IDH3B: variants seen among roughly 807,000 people sequenced by gnomAD.
IDH3B encodes isocitrate dehydrogenase (NAD(+)) 3 non-catalytic subunit beta.
IDH3B carries 40 observed loss-of-function variants against 47.5 expected under a neutral mutation model. The ratio of observed to expected loss-of-function variants is 0.84; its 90% CI spans 0.65 to 1.10. IDH3B has a LOEUF of 1.10. Ranked by LOEUF, IDH3B falls within the 50% of genes least tolerant of loss-of-function variation. The pLI is 0.00. For synonymous variants in IDH3B, 185 were observed against 191.0 expected (o/e 0.97, Z 0.26); for missense variants, 450 against 505.2 (o/e 0.89, Z 1.05).
In IDH3B at chr20:2,658,529, G is replaced by A; in HGVS notation, c.*222C>T. The A allele has an allele frequency of 6.2e-7, 1 of 1,613,836 alleles. No individual in the cohort carries two copies. Among genetic ancestry groups the A allele is most frequent in the South Asian group, 1.1e-5 (1 of 90,992 alleles). On this transcript the variant is annotated 3_prime_UTR_variant, in exon 12 of 12. Coordinates refer to ENST00000380843, the MANE Select transcript of IDH3B (RefSeq NM_006899.5). Reference sequence around the variant, plus strand: ...CCATGTCAGAGGTTCGAACCTGTGGGGGAGAATCATCATCATCCATGTGGC... The same window carrying A: ...CCATGTCAGAGGTTCGAACCTGTGGAGGAGAATCATCATCATCCATGTGGC...
chr20:2,659,647 C>T (rs1004435896), intron 10 of IDH3B, 52 bp downstream of exon 10: 8 of 1,608,194 alleles, frequency 5.0e-6, no homozygotes, highest in Non-Finnish European at 6.8e-6. Flanking sequence ...AATTTCCCCA[C>T]CTGCTCCTCC....
intron 9 of IDH3B, 81 bp from the exon 10 acceptor site, chr20:2,659,874 G>T: frequency 7.0e-7 from 1 of 1,426,598 alleles, no homozygotes; most frequent in Non-Finnish European, 9.9e-7. Context: ...GGACATTATG[G>T]GAGGGGGAGC....
Position 2,660,638 on chromosome 20 carries a change from A to C in IDH3B, c.532-48T>G. 6.2e-7 allele frequency: 1 copy of C among 1,614,130 alleles called. No individual in the cohort carries two copies. On this transcript the variant is annotated intron_variant, in intron 6 of 11. Coordinates refer to ENST00000380843, the MANE Select transcript of IDH3B (RefSeq NM_006899.5). The surrounding 1 kb of genome is among the most constrained non-coding windows in gnomAD (Gnocchi z 5.6). ...CTAGGTGACACTGGGAAGGGAAACA[A>C]GGAGCTCCACCTCTCTCCCATCTTC...
At chr20:2,661,932 C>A (rs904584418) in intron 4 of IDH3B, among the ~76,000 whole-genome samples, 1 of 152,148 alleles carries the variant, frequency 6.6e-6, no homozygotes, top group African/African-American at 2.4e-5. Context: ...GAGAAAAAAT[C>A]GTCCCATCCA....
chr20:2,661,798 C>T (rs1181592546), intron 4 of IDH3B, among the ~76,000 whole-genome samples: 5 of 152,170 alleles, frequency 3.3e-5, no homozygotes, highest in Non-Finnish European at 7.3e-5. Flanking sequence ...GAAATCCTCT[C>T]CAGTAATATC....
chr20:2,660,670 G>C lies in IDH3B; in HGVS notation c.531+27C>G. 6.2e-7 allele frequency: 1 copy of C among 1,614,094 alleles called. No individual in the cohort carries two copies. The highest frequency in any genetic ancestry group is 8.5e-7 in the Non-Finnish European group (1 of 1,179,996). On this transcript the variant is annotated intron_variant, in intron 6 of 11. Transcript: ENST00000380843. This position sits in a 1 kb window ranked among gnomAD's most constrained non-coding sequence, Gnocchi z 5.6. Reference sequence around the variant, plus strand: ...CCACCTCTCTCCCATCTTCATCCTTGCCCTCCCCCAGTTTCTGGGGCCTCA... The same window carrying C: ...CCACCTCTCTCCCATCTTCATCCTTCCCCTCCCCCAGTTTCTGGGGCCTCA...
At chr20:2,659,671 C>A in intron 10 of IDH3B, 28 bp downstream of exon 10, 1 of 1,611,386 alleles carries the variant, frequency 6.2e-7, no homozygotes, top group East Asian at 2.2e-5. Context: ...CGACACCCAA[C>A]CTCTGCCGAC....
At chr20:2,659,652 T>C (rs776486449) in intron 10 of IDH3B, 47 bp downstream of exon 10, 10 of 1,607,756 alleles carry the variant, frequency 6.2e-6, no homozygotes, top group Admixed American at 3.3e-5. Flanking sequence ...CCCCACCTGC[T>C]CCTCCTCACG....
chr20:2,659,685 C>CTGG lies in IDH3B; in HGVS notation c.1010+13_1010+14insCCA. On this transcript the variant is annotated intron_variant, in intron 10 of 11. Coordinates refer to ENST00000380843, the MANE Select transcript of IDH3B (RefSeq NM_006899.5). ...ACGACACCCAACCTCTGCCGACAGC[C>CTGG]TCCCATGACCTACTTAAGATGCCGC... The CTGG allele has an allele frequency of 6.2e-7, 1 of 1,613,108 alleles. No homozygotes were observed. The highest frequency in any genetic ancestry group is 8.5e-7 in the Non-Finnish European group (1 of 1,179,024).
At position 2,663,692 on chromosome 20, in the gene IDH3B, C is replaced by A. The variant is rs1448078371; in HGVS notation, c.184G>T (p.Glu62Ter). Residue 62 changes from glutamate to a stop codon, truncating the protein, a stop_gained, in exon 3 of 12, where the codon GAG becomes TAG. Transcript: ENST00000380843. LOFTEE classifies it high-confidence loss of function. ...TMLPGDGVGPELMHAVKEVFK... is the reference protein window; with the variant it reads ...TMLPGDGVGP ...ACCTCCTTGACGGCGTGCATCAGCT[C>A]AGGCCCCACACCGTCTCCCGGAAGC... 3.3e-5 allele frequency: 54 copies of A among 1,614,090 alleles called. No individual in the cohort carries two copies. Among genetic ancestry groups the A allele is most frequent in the Non-Finnish European group, 4.3e-5 (51 of 1,180,056 alleles).
At position 2,660,201 on chromosome 20, in the gene IDH3B, A is replaced by C; in HGVS notation, c.769-25T>G. On this transcript the variant is annotated intron_variant, in intron 8 of 11. Transcript: ENST00000380843. The surrounding 1 kb of genome is among the most constrained non-coding windows in gnomAD (Gnocchi z 5.6). ...GCTAGAGGGTGAGATGCAGGCATGA[A>C]GTAAATTCCACTCCCCACCCTCCTC... is the stretch of plus-strand genomic sequence containing the variant. 6.2e-7 allele frequency: 1 copy of C among 1,614,136 alleles called. No individual in the cohort carries two copies. The highest frequency in any genetic ancestry group is 1.3e-5 in the African/African-American group (1 of 75,038).
rs759903876 is a variant in IDH3B at position 2,663,673 on chromosome 20, T to G, written c.203A>C (p.Lys68Thr). The part of the protein sequence containing the change: ...GVGPELMHAV[K>T]EVFKAAAVPV... ...GAGGCCACTCACCTTGAACACCTCC[T>G]TGACGGCGTGCATCAGCTCAGGCCC... The change falls in exon 3 of 12, where the codon AAG becomes ACG. Residue 68 changes from lysine to threonine, a missense_variant. Transcript: ENST00000380843. 6.2e-7 allele frequency: 1 copy of G among 1,614,200 alleles called. No individual in the cohort carries two copies. The highest frequency in any genetic ancestry group is 8.5e-7 in the Non-Finnish European group (1 of 1,180,038).
At chr20:2,659,396 A>C in intron 11 of IDH3B, 129 bp downstream of exon 11, 1 of 1,554,686 alleles carries the variant, frequency 6.4e-7, no homozygotes, top group Non-Finnish European at 8.9e-7. Flanking sequence ...CAGGGATGTC[A>C]GGGAGCAGAT....
Position 2,658,669 on chromosome 20 carries a change from G to A in IDH3B, c.*82C>T, listed in dbSNP as rs958117930. On this transcript the variant is annotated 3_prime_UTR_variant, in exon 12 of 12. Coordinates refer to ENST00000380843, the MANE Select transcript of IDH3B (RefSeq NM_006899.5). ...AGGTGACCATGGTCCACTGCTTAGA[G>A]GCACAAGGTCTCTTCCCTGGTACAC... 1 of 1,614,080 alleles carries A rather than the reference G, an allele frequency of 6.2e-7. No homozygotes were observed. Among genetic ancestry groups the A allele is most frequent in the Non-Finnish European group, 8.5e-7 (1 of 1,179,954 alleles).
intron 2 of IDH3B, 51 bp downstream of exon 2, chr20:2,663,874 G>T: frequency 1.3e-6 from 2 of 1,599,866 alleles, no homozygotes; most frequent in Non-Finnish European, 1.7e-6. Flanking sequence ...GGAGGGAGCA[G>T]CGAGGAAGGG....
At chr20:2,662,852 G>A (rs1040507694) in intron 4 of IDH3B, among the ~76,000 whole-genome samples, 2 of 152,232 alleles carry the variant, frequency 1.3e-5, no homozygotes, top group Non-Finnish European at 2.9e-5. Context: ...AGCTACTCAG[G>A]AGGCTGAGGC....
Position 2,660,080 on chromosome 20 carries a change from C to A in IDH3B, c.865G>T (p.Gly289Cys). ...CTATAGCTCTCACCAGGGACCACAC[C>A]AGCTCCCCCAACCAGGCCAGCAGCC... The part of the protein sequence containing the change: ...NLAAGLVGGA[G>C]VVPGESYSAE... The change falls in exon 9 of 12, where the codon GGT (glycine) becomes TGT (cysteine). Residue 289 changes from glycine to cysteine, a missense_variant. Transcript: ENST00000380843. This position sits in a 1 kb window ranked among gnomAD's most constrained non-coding sequence, Gnocchi z 5.6. 6.2e-7 allele frequency: 1 copy of A among 1,614,098 alleles called. No homozygotes were observed. The highest frequency in any genetic ancestry group is 1.6e-4 in the Middle Eastern group (1 of 6,062).
intron 11 of IDH3B, 189 bp from the exon 12 acceptor site, chr20:2,659,026 A>T: frequency 8.0e-7 from 1 of 1,248,576 alleles, no homozygotes; most frequent in African/African-American, 2.7e-5. Context: ...AGCCACTATT[A>T]GCTGTGCTGC....
chr20:2,659,616 T>TC (rs1278754621), intron 10 of IDH3B, 31 bp from the exon 11 acceptor site: 1 of 1,612,598 alleles, frequency 6.2e-7, no homozygotes, highest in Non-Finnish European at 8.5e-7. Context: ...AAACTGTGAC[T>TC]CCCCCAAGAC....
Sources: allele counts gnomAD v4.1 joint callset (sites outside exome capture counted in the v4.1 genomes callset), GRCh38; gene constraint gnomAD v4.1.1; non-coding constraint Gnocchi (gnomAD v3.1); transcripts MANE v1.5; gene names NCBI Gene and HGNC (gene_info 2026-07-23, HGNC 2026-07-21).